EYS: variants seen among roughly 807,000 people sequenced by gnomAD.
The protein encoded by EYS is protein eyes shut homolog.
A neutral mutation model predicts 282.1 loss-of-function variants in EYS; 250 were observed. The observed-to-expected ratio is 0.89, with a 90% CI of 0.80 to 0.98. The LOEUF is 0.98. EYS is among the 50% of genes least tolerant of loss of function. The probability of loss-of-function intolerance (pLI) is 0.00; values close to 1 mark genes in which losing one functional copy is unlikely to be tolerated. For synonymous variants in EYS, 1,355 were observed against 1,282.9 expected, an observed-to-expected ratio of 1.06 and a Z score of -1.20; for missense variants, 4,016 against 3,709.0, an observed-to-expected ratio of 1.08 and a Z score of -2.15.
chr6:65,323,899 T>C (rs4032785), intron 11 of EYS, among the ~76,000 whole-genome samples: 9,230 of 150,548 alleles, frequency 0.061, 24 homozygotes, highest in Middle Eastern at 0.13. Context: ...TCCAGAGCAT[T>C]AGTAGGGCTT....
At chr6:64,947,174 A>G (rs1769314086) in intron 14 of EYS, among the ~76,000 whole-genome samples, 1 of 151,872 alleles carries the variant, frequency 6.6e-6, no homozygotes. Flanking sequence ...GAAAAAACAA[A>G]CATGATATGA....
At chr6:64,468,772 C>T (rs1776008574) in intron 26 of EYS, among the ~76,000 whole-genome samples, 2 of 152,078 alleles carry the variant, frequency 1.3e-5, no homozygotes, top group South Asian at 2.1e-4. Flanking sequence ...TTTCTGTTCC[C>T]GAGTTAGTTT....
chr6:64,657,048 T>A (rs1464815930), intron 22 of EYS, among the ~76,000 whole-genome samples: 1 of 152,190 alleles, frequency 6.6e-6, no homozygotes, highest in African/African-American at 2.4e-5. Flanking sequence ...CTGTATTGGG[T>A]GCATATATAT....
At chr6:65,159,257 A>T (rs569628544) in intron 12 of EYS, among the ~76,000 whole-genome samples, 1 of 150,958 alleles carries the variant, frequency 6.6e-6, no homozygotes, top group Admixed American at 6.6e-5. Flanking sequence ...TTCTTATTAC[A>T]TGTGAACTTC....
At chr6:65,621,245 G>T (rs1390675238) in intron 2 of EYS, among the ~76,000 whole-genome samples, 1 of 152,044 alleles carries the variant, frequency 6.6e-6, no homozygotes, top group Non-Finnish European at 1.5e-5. Flanking sequence ...TCCTGTATTG[G>T]GTCCATATAT....
At chr6:65,513,828 G>T (rs143201110) in intron 2 of EYS, among the ~76,000 whole-genome samples, 1 of 151,552 alleles carries the variant, frequency 6.6e-6, no homozygotes, top group East Asian at 2.0e-4. Flanking sequence ...ACCCACAGCC[G>T]ACATCATACT....
chr6:63,835,166 C>G (rs918563230), intron 36 of EYS, among the ~76,000 whole-genome samples: 1 of 151,364 alleles, frequency 6.6e-6, no homozygotes, highest in African/African-American at 2.4e-5. Flanking sequence ...CAAACCTGCA[C>G]ATTGTGCACA....
At position 64,912,511 on chromosome 6, in the gene EYS, C is replaced by T. The variant is rs957725168; in HGVS notation, c.2614G>A (p.Ala872Thr). ...TCTCTACAAATACAATGCTGATTTG[C>T]GTCTACCAAAGCTAAGCATGTTGAG... ...NNSTCLALVD[A>T]NQHCICREEF... Residue 872 changes from alanine to threonine, a missense_variant, in exon 16 of 43, where the codon GCA (alanine) becomes ACA (threonine). Ala to Thr is a moderately conservative substitution (Grantham distance 58, BLOSUM62 0). Coordinates refer to ENST00000503581, the MANE Select transcript of EYS (RefSeq NM_001142800.2). The T allele has an allele frequency of 3.2e-5, 49 of 1,551,024 alleles. No homozygotes were observed. In the Admixed American group the frequency reaches 6.1e-4, roughly 19 times the overall value.
At chr6:65,622,782 C>G (rs1412340992) in intron 2 of EYS, among the ~76,000 whole-genome samples, 4 of 146,714 alleles carry the variant, frequency 2.7e-5, no homozygotes, top group Non-Finnish European at 4.5e-5. Context: ...GGTTTTGAAA[C>G]AGTATCTCTC....
intron 31 of EYS, among the ~76,000 whole-genome samples, chr6:64,134,830 C>T (rs572154182): frequency 1.3e-5 from 2 of 151,882 alleles, no homozygotes; most frequent in Admixed American, 6.6e-5. Flanking sequence ...TCAGGTAAGG[C>T]GTGAGGTTGA....
intron 26 of EYS, among the ~76,000 whole-genome samples, chr6:64,489,540 TTTAA>T (rs1295147918): frequency 1.4e-5 from 2 of 147,288 alleles, no homozygotes; most frequent in Middle Eastern, 3.2e-3. Flanking sequence ...ATATAAATAT[TTTAA>T]TTAATATAAA....
At chr6:65,281,122 T>C (rs565021431) in intron 12 of EYS, among the ~76,000 whole-genome samples, 6 of 150,576 alleles carry the variant, frequency 4.0e-5, no homozygotes, top group Admixed American at 1.3e-4. Flanking sequence ...TATATGTACA[T>C]ATACATCATT....
At chr6:65,526,581 G>A (rs1446123443) in intron 2 of EYS, among the ~76,000 whole-genome samples, 2 of 152,086 alleles carry the variant, frequency 1.3e-5, no homozygotes, top group African/African-American at 4.8e-5. Context: ...CGAGGGGGGT[G>A]GATCACGAGG....
chr6:64,363,773 T>G (rs1772101145), intron 29 of EYS, among the ~76,000 whole-genome samples: 1 of 151,932 alleles, frequency 6.6e-6, no homozygotes, highest in Non-Finnish European at 1.5e-5. Flanking sequence ...ACAATCTTTC[T>G]CATTTCTTAC....
chr6:64,666,401 C>A (rs1344807456), intron 22 of EYS, among the ~76,000 whole-genome samples: 1 of 152,150 alleles, frequency 6.6e-6, no homozygotes, highest in Non-Finnish European at 1.5e-5. Context: ...AGACTCTCTG[C>A]TAATCCTGAC....
intron 29 of EYS, among the ~76,000 whole-genome samples, chr6:64,382,105 A>T (rs1772766251): frequency 6.6e-6 from 1 of 151,898 alleles, no homozygotes; most frequent in African/African-American, 2.4e-5. Flanking sequence ...CCTTCTCAAA[A>T]CTTTGTTCTT....
intron 28 of EYS, among the ~76,000 whole-genome samples, chr6:64,396,038 C>G (rs1179742156): frequency 6.6e-6 from 1 of 151,992 alleles, no homozygotes; most frequent in South Asian, 2.1e-4. Flanking sequence ...CTAGACTACT[C>G]CACCACAACA....
intron 33 of EYS, among the ~76,000 whole-genome samples, chr6:64,060,863 T>G (rs1166414871): frequency 6.6e-6 from 1 of 152,230 alleles, no homozygotes; most frequent in Non-Finnish European, 1.5e-5. Context: ...GGGTTCTTGC[T>G]GCCCAACTAT....
chr6:64,437,510 G>A (rs1333402507), intron 27 of EYS, among the ~76,000 whole-genome samples: 1 of 151,656 alleles, frequency 6.6e-6, no homozygotes, highest in African/African-American at 2.4e-5. Context: ...GATGATCAGA[G>A]TTCAAAACTC....
Sources: allele counts gnomAD v4.1 joint callset (sites outside exome capture counted in the v4.1 genomes callset), GRCh38; gene constraint gnomAD v4.1.1; transcripts MANE v1.5; gene names NCBI Gene and HGNC (gene_info 2026-07-23, HGNC 2026-07-21).